Variants in GALNTL6 observed in about 807,000 individuals in gnomAD.
GALNTL6 encodes the protein polypeptide N-acetylgalactosaminyltransferase like 6.
GALNTL6 carries 46 observed loss-of-function variants against 73.7 expected under a neutral mutation model. The ratio of observed to expected loss-of-function variants is 0.62; its 90% CI spans 0.49 to 0.80. GALNTL6 has a LOEUF of 0.80. Among genes scored for constraint, GALNTL6 ranks in the 30% least tolerant of loss-of-function variants. GALNTL6 has a pLI of 0.00. For synonymous variants in GALNTL6, 259 were observed against 263.7 expected (o/e 0.98, Z 0.17); for missense variants, 604 against 755.0 (o/e 0.80, Z 2.34).
chr4:172,500,127 T>C (rs531306353), intron 5 of GALNTL6, among the ~76,000 whole-genome samples: 1 of 152,252 alleles, frequency 6.6e-6, no homozygotes, highest in Non-Finnish European at 1.5e-5. Flanking sequence ...ATTGTTAAAC[T>C]TCTGAAAGCT....
intron 2 of GALNTL6, among the ~76,000 whole-genome samples, chr4:171,864,750 G>C (rs963560659): frequency 2.0e-5 from 3 of 152,072 alleles, no homozygotes; most frequent in African/African-American, 4.8e-5. Context: ...ACTTCCTCCT[G>C]CTAGAGATTG....
chr4:172,891,850 T>C (rs564197028), intron 8 of GALNTL6, among the ~76,000 whole-genome samples: 1 of 152,340 alleles, frequency 6.6e-6, no homozygotes, highest in East Asian at 1.9e-4. Context: ...TTCTTTTTTA[T>C]TTTTGTCTGA....
At chr4:171,898,022 A>C (rs1304181246) in intron 2 of GALNTL6, among the ~76,000 whole-genome samples, 1 of 152,072 alleles carries the variant, frequency 6.6e-6, no homozygotes, top group African/African-American at 2.4e-5. Flanking sequence ...ATATATAAAC[A>C]ATATTTATGA....
Position 172,370,324 on chromosome 4 carries a change from T to C in GALNTL6, c.553+21635T>C, listed in dbSNP as rs184471518. On this transcript the variant is annotated intron_variant, in intron 5 of 12. Transcript: ENST00000506823. ...TAAAAATAGAGGGTCCAAAGGCGAG[T>C]AACAGCAAGATGGCTGCCACGGGAC... is the stretch of plus-strand genomic sequence containing the variant. 1.2e-4 allele frequency among the ~76,000 whole-genome samples: 18 copies of C among 151,942 alleles called. No individual in the cohort carries two copies. The East Asian group carries it at 3.3e-3, about 28-fold the overall frequency.
chr4:172,396,316 CTTT>C (rs10715891), intron 5 of GALNTL6, among the ~76,000 whole-genome samples: 7 of 137,514 alleles, frequency 5.1e-5, no homozygotes, highest in African/African-American at 5.4e-5. Context: ...CTTTTTTTTT[CTTT>C]TTTTTTTTTT....
chr4:172,383,559 C>T (rs1244558164), intron 5 of GALNTL6, among the ~76,000 whole-genome samples: 2 of 152,086 alleles, frequency 1.3e-5, no homozygotes, highest in South Asian at 2.1e-4. Context: ...ACGATTTTGC[C>T]TCTTTCCAAT....
At chr4:172,934,088 G>A (rs554615786) in intron 9 of GALNTL6, among the ~76,000 whole-genome samples, 20 of 152,240 alleles carry the variant, frequency 1.3e-4, no homozygotes, top group Middle Eastern at 3.4e-3. Context: ...CAAAAGACAG[G>A]ATATCCATAT....
intron 2 of GALNTL6, among the ~76,000 whole-genome samples, chr4:172,078,797 T>A (rs967521454): frequency 6.6e-6 from 1 of 152,180 alleles, no homozygotes; most frequent in Non-Finnish European, 1.5e-5. Context: ...AAATAAACAT[T>A]TCCAATTTTG....
intron 5 of GALNTL6, among the ~76,000 whole-genome samples, chr4:172,789,652 G>A (rs770189441): frequency 2.0e-5 from 3 of 152,154 alleles, no homozygotes; most frequent in Admixed American, 6.5e-5. Context: ...CATGTCTTCA[G>A]CTATCCAAAA....
intron 12 of GALNTL6, among the ~76,000 whole-genome samples, chr4:173,038,032 G>A (rs1299989421): frequency 6.6e-6 from 1 of 152,116 alleles, no homozygotes; most frequent in Admixed American, 6.6e-5. Context: ...CGTCAGCCAC[G>A]GTACCCAGCC....
rs546864400 is a variant in GALNTL6, at chr4:172,073,355, T to C, written c.139-156301T>C. Among the ~76,000 whole-genome samples the C allele has an allele frequency of 2.0e-5, 3 of 152,266 alleles. No homozygotes were observed. In the East Asian group the frequency reaches 5.8e-4, roughly 29 times the overall value. ...GACATAGGTATAGTTCTAAGAACAG[T>C]ACCAGGCATATGGCAGATACTGAAT... is the stretch of plus-strand genomic sequence containing the variant. On this transcript the variant is annotated intron_variant, in intron 2 of 12. Coordinates refer to ENST00000506823, the MANE Select transcript of GALNTL6 (RefSeq NM_001034845.3).
intron 2 of GALNTL6, among the ~76,000 whole-genome samples, chr4:172,097,286 C>A (rs1046132690): frequency 1.3e-5 from 2 of 152,174 alleles, no homozygotes; most frequent in African/African-American, 4.8e-5. Context: ...CAAATATCCA[C>A]GAAGTGCTAT....
chr4:172,420,578 A>T (rs1481396139), intron 5 of GALNTL6, among the ~76,000 whole-genome samples: 1 of 152,182 alleles, frequency 6.6e-6, no homozygotes, highest in South Asian at 2.1e-4. Flanking sequence ...GAGCCTCAAC[A>T]TGATGGTAGC....
At chr4:172,049,173 A>G (rs1001363472) in intron 2 of GALNTL6, among the ~76,000 whole-genome samples, 5 of 152,164 alleles carry the variant, frequency 3.3e-5, no homozygotes, top group African/African-American at 7.2e-5. Context: ...ATCATAAATT[A>G]TATATTTCTT....
At chr4:172,715,285 G>C (rs1439816231) in intron 5 of GALNTL6, among the ~76,000 whole-genome samples, 4 of 152,090 alleles carry the variant, frequency 2.6e-5, no homozygotes, top group Non-Finnish European at 2.9e-5. Context: ...GATGTGCATG[G>C]GTGTATGCAC....
chr4:172,099,671 C>A (rs1252140928), intron 2 of GALNTL6, among the ~76,000 whole-genome samples: 1 of 152,042 alleles, frequency 6.6e-6, no homozygotes, highest in African/African-American at 2.4e-5. Context: ...CTACACTTGT[C>A]TAGTTGTTGG....
chr4:172,296,449 T>G (rs1196545650), intron 3 of GALNTL6, among the ~76,000 whole-genome samples: 5 of 152,128 alleles, frequency 3.3e-5, no homozygotes, highest in Non-Finnish European at 7.3e-5. Context: ...TGGGAGTTGG[T>G]GTGCTGCACC....
At chr4:171,946,032 G>A (rs558380627) in intron 2 of GALNTL6, among the ~76,000 whole-genome samples, 2 of 152,206 alleles carry the variant, frequency 1.3e-5, no homozygotes, top group African/African-American at 4.8e-5. Context: ...GGCTTTTTTG[G>A]ATTAATGTGA....
intron 2 of GALNTL6, among the ~76,000 whole-genome samples, chr4:171,861,458 T>G (rs976948929): frequency 1.3e-5 from 2 of 152,216 alleles, no homozygotes; most frequent in African/African-American, 4.8e-5. Context: ...ACCTGTCTCC[T>G]CTATTCACAT....
Sources: allele counts gnomAD v4.1 joint callset (sites outside exome capture counted in the v4.1 genomes callset), GRCh38; gene constraint gnomAD v4.1.1; transcripts MANE v1.5; gene names NCBI Gene and HGNC (gene_info 2026-07-23, HGNC 2026-07-21).